OR51M1: variants seen among roughly 807,000 people sequenced by gnomAD.
The protein encoded by OR51M1 is olfactory receptor 51M1.
For synonymous variants in OR51M1, 199 were observed against 155.1 expected, an observed-to-expected ratio of 1.28 and a Z score of -2.10; for missense variants, 509 against 404.4, an observed-to-expected ratio of 1.26 and a Z score of -2.22.
rs769539674 is a variant in OR51M1 at position 5,389,859 on chromosome 11, T to A, written c.461T>A (p.Val154Asp). Reference protein sequence around the residue: ...YSVIITGQQVVRAGLIVIFRG... With the variant: ...YSVIITGQQVDRAGLIVIFRG... ...GTCATTATCACTGGCCAGCAAGTGG[T>A]CAGAGCAGGCCTAATTGTCATCTTC... Residue 154 changes from valine to aspartate, a missense_variant, in exon 3 of 3, where the codon GTC becomes GAC. Coordinates refer to ENST00000642046, the MANE Select transcript of OR51M1 (RefSeq NM_001004756.3). 6.2e-7 allele frequency: 1 copy of A among 1,613,776 alleles called. No homozygotes were observed. The highest frequency in any genetic ancestry group is 1.1e-5 in the South Asian group (1 of 91,076).
intron 2 of OR51M1, among the ~76,000 whole-genome samples, chr11:5,388,414 G>A (rs1190535049): frequency 6.6e-6 from 1 of 151,504 alleles, no homozygotes; most frequent in East Asian, 1.9e-4. Flanking sequence ...AAGGCCTTCT[G>A]AAGGACATCA....
At chr11:5,384,883 A>C (rs1487286688) in intron 1 of OR51M1, among the ~76,000 whole-genome samples, 1 of 152,144 alleles carries the variant, frequency 6.6e-6, no homozygotes, top group Non-Finnish European at 1.5e-5. Context: ...GAGTTTGACC[A>C]CTGTGGAAAT....
intron 2 of OR51M1, among the ~76,000 whole-genome samples, chr11:5,386,307 G>C (rs533993633): frequency 1.3e-5 from 2 of 152,250 alleles, no homozygotes; most frequent in Admixed American, 1.3e-4. Flanking sequence ...GCTAAAGATG[G>C]TGTTACAGGG....
chr11:5,389,134 A>G (rs1007046376), intron 2 of OR51M1, among the ~76,000 whole-genome samples: 9 of 152,198 alleles, frequency 5.9e-5, no homozygotes, highest in Admixed American at 5.9e-4. Flanking sequence ...GGGAAGAACT[A>G]TACTTAAGGG....
In OR51M1 at chr11:5,390,407, G is replaced by C. The variant is rs974069072; in HGVS notation, c.*28G>C. 6.0e-5 allele frequency: 92 copies of C among 1,526,206 alleles called. No homozygotes were observed. The highest frequency in any genetic ancestry group is 7.7e-5 in the Non-Finnish European group (87 of 1,134,626). 94.5% of individuals were successfully genotyped at this position (1,526,206 alleles called of 1,614,324 possible). A position where few individuals can be genotyped will look rare whatever the true frequency, so the allele number is the denominator to read the frequency against. On this transcript the variant is annotated 3_prime_UTR_variant, in exon 3 of 3. Transcript: ENST00000642046. ...CCTGGGGCTAAAACTCCCCCTAGAG[G>C]CCTATAAGAAGGCCCCAAATTGGAC... is the stretch of plus-strand genomic sequence containing the variant.
chr11:5,385,063 T>A (rs1398834562), intron 1 of OR51M1, among the ~76,000 whole-genome samples: 2 of 152,210 alleles, frequency 1.3e-5, no homozygotes, highest in Non-Finnish European at 2.9e-5. Context: ...ACAGGTGAGG[T>A]AGAGAGCCAA....
chr11:5,385,113 C>T (rs1005582460), intron 1 of OR51M1, among the ~76,000 whole-genome samples: 2 of 152,274 alleles, frequency 1.3e-5, no homozygotes, highest in Middle Eastern at 3.4e-3. Context: ...CAGGAATTTT[C>T]TCCTGTGATC....
chr11:5,388,261 G>A (rs561305918), intron 2 of OR51M1, among the ~76,000 whole-genome samples: 78 of 152,014 alleles, frequency 5.1e-4, no homozygotes, highest in African/African-American at 1.8e-3. Context: ...AGACAGTCAT[G>A]GTTTATGTCC....
intron 1 of OR51M1, among the ~76,000 whole-genome samples, chr11:5,384,496 C>T (rs1316066587): frequency 6.6e-6 from 1 of 152,178 alleles, no homozygotes; most frequent in African/African-American, 2.4e-5. Flanking sequence ...AGCTCATCTG[C>T]AGTATTCTGT....
At chr11:5,384,024 C>G (rs1015287746) in intron 1 of OR51M1, 107 bp downstream of exon 1, 1 of 152,168 alleles carries the variant, frequency 6.6e-6, no homozygotes, top group Admixed American at 6.5e-5. Flanking sequence ...ATAGGTATCA[C>G]AAAAGCAGTG....
intron 2 of OR51M1, 138 bp from the exon 3 acceptor site, chr11:5,389,246 A>G: frequency 1.3e-6 from 1 of 768,290 alleles, no homozygotes. Flanking sequence ...AAAGTTCAAT[A>G]AAGTAGTGAG....
chr11:5,384,797 T>G (rs1490758576), intron 1 of OR51M1, among the ~76,000 whole-genome samples: 1 of 152,192 alleles, frequency 6.6e-6, no homozygotes, highest in Non-Finnish European at 1.5e-5. Flanking sequence ...CCTTGTAACT[T>G]CCCCAGTATC....
chr11:5,385,999 G>C (rs1465379996), intron 2 of OR51M1, among the ~76,000 whole-genome samples: 1 of 151,046 alleles, frequency 6.6e-6, no homozygotes, highest in Non-Finnish European at 1.5e-5. Context: ...ATGTGTGTGT[G>C]TATTTACACC....
rs1282408883 is a variant in OR51M1, at chr11:5,389,876, G to T, written c.478G>T (p.Val160Phe). 1 of 1,613,228 alleles carries T rather than the reference G, an allele frequency of 6.2e-7. No homozygotes were observed. Among genetic ancestry groups the T allele is most frequent in the South Asian group, 1.1e-5 (1 of 91,076 alleles). Residue 160 changes from valine to phenylalanine, a missense_variant, in exon 3 of 3, where the codon GTC becomes TTC. Val to Phe is a conservative substitution (Grantham distance 50). Transcript: ENST00000642046. ...GQQVVRAGLI[V>F]IFRGPVATIP... ...GCAAGTGGTCAGAGCAGGCCTAATT[G>T]TCATCTTCCGGGGACCTGTGGCCAC...
Position 5,390,384 on chromosome 11 carries a change from T to C in OR51M1, c.*5T>C. The stretch of plus-strand genomic sequence containing the variant: ...CTTAAAAAGGCCAGTAAATGAGTCC[T>C]GGGGCTAAAACTCCCCCTAGAGGCC... On this transcript the variant is annotated 3_prime_UTR_variant, in exon 3 of 3. Transcript: ENST00000642046. 6.3e-7 allele frequency: 1 copy of C among 1,579,902 alleles called. No individual in the cohort carries two copies. The highest frequency in any genetic ancestry group is 1.2e-5 in the South Asian group (1 of 86,368).
rs552442682 is a variant in OR51M1 at position 5,384,676 on chromosome 11, G to C, written c.-121-677G>C. On this transcript the variant is annotated intron_variant, in intron 1 of 2. Transcript: ENST00000642046. ...ACACACCCTCTCCTTACTCTCATCA[G>C]AAAAACAGTCATTCACTTATTCAAC... Among the ~76,000 whole-genome samples, 6 of 152,234 alleles carry C rather than the reference G, an allele frequency of 3.9e-5. No homozygotes were observed. The East Asian group carries it at 1.2e-3, about 29-fold the overall frequency.
At chr11:5,386,267 T>G (rs964960651) in intron 2 of OR51M1, among the ~76,000 whole-genome samples, 2 of 151,634 alleles carry the variant, frequency 1.3e-5, no homozygotes, top group Admixed American at 6.6e-5. Context: ...AAAGATGGGT[T>G]TGGAAAGGTG....
chr11:5,387,747 ATAGCCACACAC>A (rs1849721124), intron 2 of OR51M1, among the ~76,000 whole-genome samples: 1 of 137,846 alleles, frequency 7.3e-6, no homozygotes, highest in Non-Finnish European at 1.6e-5. Context: ...TTTCCCTAAG[ATAGCCACACAC>A]TTGCCCTCTG....
At chr11:5,387,505 A>G (rs1326334278) in intron 2 of OR51M1, among the ~76,000 whole-genome samples, 1 of 152,160 alleles carries the variant, frequency 6.6e-6, no homozygotes, top group East Asian at 1.9e-4. Flanking sequence ...TCCATGCAGC[A>G]CCTCTGCTCT....
Sources: allele counts gnomAD v4.1 joint callset (sites outside exome capture counted in the v4.1 genomes callset), GRCh38; gene constraint gnomAD v4.1.1; transcripts MANE v1.5; gene names NCBI Gene and HGNC (gene_info 2026-07-23, HGNC 2026-07-21).